The following MTUS2 variants were observed in gnomAD, a reference collection of about 807,000 sequenced individuals.
The protein encoded by MTUS2 is microtubule associated scaffold protein 2.
MTUS2 carries 40 observed loss-of-function variants against 114.1 expected under a neutral mutation model. That is an observed-to-expected ratio of 0.35 (90% CI 0.27 to 0.46). MTUS2 has a LOEUF of 0.46. MTUS2 is among the 20% of genes least tolerant of loss of function. The probability of loss-of-function intolerance (pLI) is 1.00; values close to 1 mark genes in which losing one functional copy is unlikely to be tolerated. For synonymous variants in MTUS2, 688 were observed against 672.0 expected, an observed-to-expected ratio of 1.02 and a Z score of -0.37; for missense variants, 1,679 against 1,705.4, an observed-to-expected ratio of 0.98 and a Z score of 0.27.
chr13:28,866,773 G>A (rs1029157938), intron 2 of MTUS2, among the ~76,000 whole-genome samples: 1 of 152,024 alleles, frequency 6.6e-6, no homozygotes, highest in Admixed American at 6.6e-5. Context: ...AGGTTCCTCT[G>A]TCTTGTATTG....
chr13:28,928,952 A>G (rs750444718), intron 2 of MTUS2, among the ~76,000 whole-genome samples: 2 of 152,242 alleles, frequency 1.3e-5, no homozygotes, highest in Non-Finnish European at 2.9e-5. Flanking sequence ...ACATGCACAC[A>G]TACATATATA....
chr13:29,183,756 A>G (rs1244326007), intron 5 of MTUS2, among the ~76,000 whole-genome samples: 1 of 152,228 alleles, frequency 6.6e-6, no homozygotes, highest in Non-Finnish European at 1.5e-5. Flanking sequence ...CAAATTACTT[A>G]AAAAGTGATC....
intron 4 of MTUS2, among the ~76,000 whole-genome samples, chr13:29,063,071 C>A (rs945860120): frequency 6.6e-6 from 1 of 152,090 alleles, no homozygotes; most frequent in Non-Finnish European, 1.5e-5. Flanking sequence ...TTTAGGTGAG[C>A]ATGAAATTTT....
chr13:28,848,514 G>A (rs191714033), intron 2 of MTUS2, among the ~76,000 whole-genome samples: 33 of 151,906 alleles, frequency 2.2e-4, no homozygotes, highest in African/African-American at 6.8e-4. Context: ...CAAACTTGTT[G>A]GAATGTTAGT....
At chr13:29,041,539 G>C (rs1887359249) in intron 4 of MTUS2, among the ~76,000 whole-genome samples, 1 of 152,040 alleles carries the variant, frequency 6.6e-6, no homozygotes, top group Non-Finnish European at 1.5e-5. Context: ...TTGGCAGTGT[G>C]GTCATTTTTA....
chr13:29,283,892 A>G (rs2139550220), intron 6 of MTUS2, among the ~76,000 whole-genome samples: 1 of 152,366 alleles, frequency 6.6e-6, no homozygotes, highest in African/African-American at 2.4e-5. Flanking sequence ...CATACTGGCA[A>G]AAATCCAAAA....
chr13:29,472,467 C>A (rs759065732), intron 9 of MTUS2, among the ~76,000 whole-genome samples: 4 of 152,184 alleles, frequency 2.6e-5, no homozygotes, highest in Non-Finnish European at 5.9e-5. Context: ...TGCAACCCAC[C>A]CTGACCACCT....
At chr13:29,226,588 A>T (rs535792438) in intron 5 of MTUS2, among the ~76,000 whole-genome samples, 1 of 151,912 alleles carries the variant, frequency 6.6e-6, no homozygotes, top group Non-Finnish European at 1.5e-5. Context: ...ATAAATATTA[A>T]TTTTTTTCTC....
intron 6 of MTUS2, among the ~76,000 whole-genome samples, chr13:29,290,274 T>TGCATCTTG (rs1042600713): frequency 6.6e-6 from 1 of 152,206 alleles, no homozygotes; most frequent in Non-Finnish European, 1.5e-5. Flanking sequence ...GAAAACAGGC[T>TGCATCTTG]GCATCTTGGT....
intron 9 of MTUS2, among the ~76,000 whole-genome samples, chr13:29,477,516 A>G (rs1372362245): frequency 6.6e-6 from 1 of 152,096 alleles, no homozygotes; most frequent in African/African-American, 2.4e-5. Flanking sequence ...CCTATCAGTC[A>G]TTGTTCATTA....
chr13:28,853,518 G>A (rs990845172), intron 2 of MTUS2, among the ~76,000 whole-genome samples: 1 of 152,240 alleles, frequency 6.6e-6, no homozygotes, highest in African/African-American at 2.4e-5. Context: ...CTGAACCGAG[G>A]TGTCTTGAGG....
intron 2 of MTUS2, among the ~76,000 whole-genome samples, chr13:28,964,443 C>T (rs1382034769): frequency 2.0e-5 from 3 of 152,130 alleles, no homozygotes; most frequent in African/African-American, 4.8e-5. Context: ...GAATAAAATT[C>T]CGACCCATTA....
At chr13:29,091,965 G>A (rs1162637354) in intron 4 of MTUS2, among the ~76,000 whole-genome samples, 2 of 152,176 alleles carry the variant, frequency 1.3e-5, no homozygotes, top group Non-Finnish European at 2.9e-5. Context: ...CGGTGGAGGT[G>A]GTCATTGTCT....
At chr13:29,457,920 A>T (rs570426082) in intron 9 of MTUS2, among the ~76,000 whole-genome samples, 2 of 152,030 alleles carry the variant, frequency 1.3e-5, no homozygotes, top group Admixed American at 6.5e-5. Context: ...ACTTTTTTTT[A>T]AATGTAGATT....
intron 3 of MTUS2, 88 bp from the exon 4 acceptor site, chr13:29,033,797 A>G: frequency 6.6e-7 from 1 of 1,522,918 alleles, no homozygotes; most frequent in Non-Finnish European, 8.9e-7. Flanking sequence ...CAGAGTGGTC[A>G]TTGGTTCAGC....
intron 1 of MTUS2, among the ~76,000 whole-genome samples, chr13:28,832,756 T>G (rs1874786084): frequency 9.5e-6 from 1 of 104,940 alleles, no homozygotes. Context: ...GTAAATGAAA[T>G]AGAGAATAGA....
At chr13:28,897,174 A>G (rs200987716) in intron 2 of MTUS2, among the ~76,000 whole-genome samples, 1 of 152,240 alleles carries the variant, frequency 6.6e-6, no homozygotes, top group East Asian at 1.9e-4. Flanking sequence ...GCTAATATCC[A>G]GAATCTACAA....
At chr13:29,206,859 T>C (rs1260515680) in intron 5 of MTUS2, among the ~76,000 whole-genome samples, 2 of 152,210 alleles carry the variant, frequency 1.3e-5, no homozygotes, top group African/African-American at 4.8e-5. Flanking sequence ...CCAGATTTGT[T>C]CTTTTTGCTT....
At chr13:29,356,685 C>T (rs550531412) in intron 7 of MTUS2, among the ~76,000 whole-genome samples, 1 of 152,114 alleles carries the variant, frequency 6.6e-6, no homozygotes, top group Non-Finnish European at 1.5e-5. Context: ...AGTGACAGTA[C>T]GATGATTATT....
Sources: allele counts gnomAD v4.1 joint callset (sites outside exome capture counted in the v4.1 genomes callset), GRCh38; gene constraint gnomAD v4.1.1; transcripts MANE v1.5; gene names NCBI Gene and HGNC (gene_info 2026-07-23, HGNC 2026-07-21).